Variants in CERT1 observed in about 807,000 individuals in gnomAD.
CERT1 encodes the protein ceramide transporter 1, also known as ceramide transfer protein.
In CERT1, 31 loss-of-function variants were observed where a neutral mutation model predicts 87.9. That is an observed-to-expected ratio of 0.35 (90% CI 0.27 to 0.48). CERT1 has a LOEUF of 0.48. Ranked by LOEUF, CERT1 falls within the 20% of genes least tolerant of loss-of-function variation. The pLI is 0.99. For synonymous variants in CERT1, 289 were observed against 250.9 expected, an observed-to-expected ratio of 1.15 and a Z score of -1.44; for missense variants, 487 against 758.0, an observed-to-expected ratio of 0.64 and a Z score of 4.20.
chr5:75,485,155 G>A (rs1766450136), intron 2 of CERT1, among the ~76,000 whole-genome samples: 1 of 151,690 alleles, frequency 6.6e-6, no homozygotes, highest in Admixed American at 6.6e-5. Context: ...AAATGAAAGT[G>A]GAAATAAAAC....
At chr5:75,422,452 CA>C (rs1478301035) in intron 5 of CERT1, among the ~76,000 whole-genome samples, 1 of 152,044 alleles carries the variant, frequency 6.6e-6, no homozygotes, top group Non-Finnish European at 1.5e-5. Context: ...CCTGTCTCTA[CA>C]AAAAATACAA....
At position 75,511,536 on chromosome 5, in the gene CERT1, A is replaced by G. The variant is rs1580883036; in HGVS notation, c.-329T>C. ...TGCCAATTTCAAATAGGGAAGGAAA[A>G]GGGAAAAGAAGGGAAGAGAAAATCC... is the stretch of plus-strand genomic sequence containing the variant. On this transcript the variant is annotated 5_prime_UTR_variant, in exon 1 of 17. Coordinates refer to ENST00000643780, the MANE Select transcript of CERT1 (RefSeq NM_001379029.1). The G allele has an allele frequency of 1.4e-6, 2 of 1,458,532 alleles. No homozygotes were observed. Among genetic ancestry groups the G allele is most frequent in the Non-Finnish European group, 1.8e-6 (2 of 1,107,722 alleles). 90.3% of individuals were successfully genotyped at this position (1,458,532 alleles called of 1,614,324 possible).
In CERT1 at chr5:75,413,088, AT is replaced by A. The variant is rs1349758177; in HGVS notation, c.838-1986del. On this transcript the variant is annotated intron_variant, in intron 7 of 16. Coordinates refer to ENST00000643780, the MANE Select transcript of CERT1 (RefSeq NM_001379029.1). ...CATTTTTCTATTTTTTAAAAAATTTATTTTTTTTAACTTTTTAAACTTTTTT... is the reference window on the plus strand; with the variant it reads ...CATTTTTCTATTTTTTAAAAAATTTATTTTTTTAACTTTTTAAACTTTTTT... Among the ~76,000 whole-genome samples the A allele has an allele frequency of 4.6e-5, 7 of 151,970 alleles. No homozygotes were observed. The East Asian group carries it at 1.3e-3, about 29-fold the overall frequency.
intron 14 of CERT1, among the ~76,000 whole-genome samples, chr5:75,383,611 GC>G (rs1761670838): frequency 6.6e-6 from 1 of 151,958 alleles, no homozygotes; most frequent in South Asian, 2.1e-4. Context: ...ATTAAGTATG[GC>G]TCCTAATTAT....
chr5:75,418,358 A>G (rs747101204), intron 6 of CERT1, among the ~76,000 whole-genome samples: 5 of 152,232 alleles, frequency 3.3e-5, no homozygotes, highest in Non-Finnish European at 5.9e-5. Context: ...GACTGACCAT[A>G]TTAAGTGTTG....
intron 2 of CERT1, among the ~76,000 whole-genome samples, chr5:75,489,551 GA>G (rs1266191230): frequency 6.6e-6 from 1 of 151,378 alleles, no homozygotes; most frequent in Non-Finnish European, 1.5e-5. Flanking sequence ...AGATTTATAA[GA>G]AAAAAAATCA....
At chr5:75,502,313 C>A (rs1415825733) in intron 2 of CERT1, among the ~76,000 whole-genome samples, 1 of 151,966 alleles carries the variant, frequency 6.6e-6, no homozygotes, top group African/African-American at 2.4e-5. Flanking sequence ...TCAATACTTG[C>A]GGGTAAGGAG....
intron 13 of CERT1, 84 bp from the exon 14 acceptor site, chr5:75,384,796 T>C: frequency 1.2e-6 from 1 of 841,260 alleles, no homozygotes; most frequent in South Asian, 1.5e-5. Context: ...CAAGTACGAA[T>C]GGACAGTATG....
At chr5:75,468,080 T>C (rs1165342853) in intron 2 of CERT1, among the ~76,000 whole-genome samples, 3 of 152,214 alleles carry the variant, frequency 2.0e-5, no homozygotes, top group Admixed American at 6.5e-5. Flanking sequence ...AAGAGTTTGA[T>C]AATGGATAGA....
chr5:75,466,597 T>C (rs912480491), intron 2 of CERT1, among the ~76,000 whole-genome samples: 1 of 152,206 alleles, frequency 6.6e-6, no homozygotes, highest in Non-Finnish European at 1.5e-5. Flanking sequence ...TCAGAGATCC[T>C]TTCTCTGAGT....
intron 4 of CERT1, 131 bp downstream of exon 4, chr5:75,426,240 C>A (rs1196901600): frequency 1.1e-5 from 6 of 522,262 alleles, no homozygotes; most frequent in African/African-American, 9.6e-5. Context: ...AAAAGTACTT[C>A]TCTAATAACT....
At chr5:75,441,574 C>T (rs556481596) in intron 3 of CERT1, among the ~76,000 whole-genome samples, 8 of 152,210 alleles carry the variant, frequency 5.3e-5, no homozygotes, top group Middle Eastern at 6.8e-3. Context: ...CAGCAACATC[C>T]CATTTTTCCC....
chr5:75,506,623 T>C (rs114856901), intron 1 of CERT1, among the ~76,000 whole-genome samples: 1 of 152,168 alleles, frequency 6.6e-6, no homozygotes, highest in African/African-American at 2.4e-5. Flanking sequence ...TATTCCTATA[T>C]GAAAATTTAT....
chr5:75,379,629 A>T (rs1409638039), intron 16 of CERT1, among the ~76,000 whole-genome samples, 156 bp from the exon 17 acceptor site: 3 of 151,882 alleles, frequency 2.0e-5, no homozygotes, highest in Non-Finnish European at 2.9e-5. Context: ...CTCTGTTGCC[A>T]GGGTGCAGTG....
At chr5:75,499,534 CCCAG>C in intron 2 of CERT1, among the ~76,000 whole-genome samples, 1 of 152,098 alleles carries the variant, frequency 6.6e-6, no homozygotes, top group East Asian at 1.9e-4. Context: ...CTGAGGCCTC[CCCAG>C]CCATGCAGAA....
rs575030024 is a variant in CERT1, at chr5:75,432,782, C to T, written c.349-6304G>A. Among the ~76,000 whole-genome samples, 3 of 152,310 alleles carry T rather than the reference C, an allele frequency of 2.0e-5. No individual in the cohort carries two copies. The South Asian group carries it at 6.2e-4, about 32-fold the overall frequency. ...CATGAAATCTTCACCAAGGCCTATGCCTAGACCAGTATGTCCTAGATTTCC... is the reference window on the plus strand; with the variant it reads ...CATGAAATCTTCACCAAGGCCTATGTCTAGACCAGTATGTCCTAGATTTCC... On this transcript the variant is annotated intron_variant, in intron 3 of 16. Coordinates refer to ENST00000643780, the MANE Select transcript of CERT1 (RefSeq NM_001379029.1).
At chr5:75,483,292 T>C (rs1302970893) in intron 2 of CERT1, among the ~76,000 whole-genome samples, 3 of 152,184 alleles carry the variant, frequency 2.0e-5, no homozygotes, top group South Asian at 4.1e-4. Flanking sequence ...ATGCAGAAGA[T>C]ACAATGAGTG....
downstream of CERT1, chr5:75,374,635 T>G (rs904550343): frequency 1.4e-5 from 9 of 655,876 alleles, no homozygotes; most frequent in African/African-American, 1.4e-4. Flanking sequence ...GAAGCGAGTG[T>G]CTTTGATGTC....
intron 2 of CERT1, among the ~76,000 whole-genome samples, chr5:75,495,771 C>T (rs1056897438): frequency 6.6e-6 from 1 of 152,038 alleles, no homozygotes; most frequent in African/African-American, 2.4e-5. Context: ...TGCCTCTATA[C>T]ACAAAACATA....
Sources: allele counts gnomAD v4.1 joint callset (sites outside exome capture counted in the v4.1 genomes callset), GRCh38; gene constraint gnomAD v4.1.1; transcripts MANE v1.5; gene names NCBI Gene and HGNC (gene_info 2026-07-23, HGNC 2026-07-21).